USH2A: variants seen among roughly 807,000 people sequenced by gnomAD.
The protein encoded by USH2A is Usher syndrome 2A (autosomal recessive, mild).
USH2A carries 443 observed loss-of-function variants against 538.9 expected under a neutral mutation model. The ratio of observed to expected loss-of-function variants is 0.82; its 90% CI spans 0.76 to 0.89. The LOEUF (loss-of-function observed/expected upper bound fraction) is 0.89. USH2A is among the 40% of genes least tolerant of loss of function. The pLI is 0.00. For synonymous variants in USH2A, 2,413 were observed against 2,273.5 expected (o/e 1.06, Z -1.75); for missense variants, 6,633 against 6,324.8 (o/e 1.05, Z -1.65).
chr1:215,928,323 G>A (rs1400033093), intron 38 of USH2A, among the ~76,000 whole-genome samples: 1 of 151,992 alleles, frequency 6.6e-6, no homozygotes, highest in Non-Finnish European at 1.5e-5. Flanking sequence ...AAAATTAATT[G>A]TCATGTAAGG....
intron 38 of USH2A, among the ~76,000 whole-genome samples, chr1:215,922,432 C>T (rs979118115): frequency 6.6e-5 from 10 of 152,042 alleles, no homozygotes; most frequent in African/African-American, 1.2e-4. Flanking sequence ...TCTGGCCCTA[C>T]GAATGTGACT....
At chr1:215,778,565 C>T (rs74141412) in intron 55 of USH2A, among the ~76,000 whole-genome samples, 1,562 of 152,158 alleles carry the variant, frequency 0.01, 25 homozygotes, top group African/African-American at 0.036. Flanking sequence ...GTAAGTGTAA[C>T]CTGTGTCCCT....
chr1:215,770,413 C>T (rs540720011), intron 55 of USH2A, among the ~76,000 whole-genome samples: 21 of 147,442 alleles, frequency 1.4e-4, no homozygotes, highest in African/African-American at 4.2e-4. Flanking sequence ...TTGCTCAAAA[C>T]GAAAAAAAAA....
chr1:215,983,593 A>C (rs774827745), intron 35 of USH2A, among the ~76,000 whole-genome samples: 1 of 152,072 alleles, frequency 6.6e-6, no homozygotes, highest in Admixed American at 6.6e-5. Flanking sequence ...GTCATTTTAA[A>C]TTTATCTTCA....
chr1:215,836,538 A>T lies in USH2A; in HGVS notation c.9371+1453T>A. 1.6e-4 allele frequency among the ~76,000 whole-genome samples: 4 copies of T among 25,370 alleles called. 1 individual carries two copies. The highest frequency in any genetic ancestry group is 2.7e-4 in the Non-Finnish European group (4 of 15,056). The allele number at this position is 25,370 out of a possible 152,430, so 16.6% of individuals were successfully genotyped here. On this transcript the variant is annotated intron_variant, in intron 47 of 71. Transcript: ENST00000307340. The stretch of plus-strand genomic sequence containing the variant: ...TATATAATATATATTATATATATAT[A>T]TATAATATATATATATATATATATA...
chr1:216,107,054 G>GTACATACTTTCAAATA (rs2032752449), intron 21 of USH2A, among the ~76,000 whole-genome samples: 1 of 151,712 alleles, frequency 6.6e-6, no homozygotes, highest in African/African-American at 2.4e-5. Flanking sequence ...TGTTTGTAGT[G>GTACATACTTTCAAATA]TACATACTTT....
intron 37 of USH2A, among the ~76,000 whole-genome samples, chr1:215,938,607 G>C (rs1275773050): frequency 1.3e-5 from 2 of 152,104 alleles, no homozygotes; most frequent in African/African-American, 4.8e-5. Flanking sequence ...ATTCCTGTCT[G>C]GTTGGCCCTC....
intron 61 of USH2A, among the ~76,000 whole-genome samples, chr1:215,692,227 G>GAA (rs1434234169): frequency 2.0e-5 from 3 of 152,068 alleles, no homozygotes; most frequent in African/African-American, 7.2e-5. Context: ...TGGGTGGAAG[G>GAA]GAGAACAGAT....
At chr1:216,254,229 T>G (rs2036217643) in intron 11 of USH2A, among the ~76,000 whole-genome samples, 1 of 152,194 alleles carries the variant, frequency 6.6e-6, no homozygotes, top group African/African-American at 2.4e-5. Context: ...TAAAGCATTA[T>G]TATTTTTAAA....
At chr1:216,105,851 T>G (rs188338254) in intron 21 of USH2A, among the ~76,000 whole-genome samples, 9 of 152,040 alleles carry the variant, frequency 5.9e-5, no homozygotes, top group Admixed American at 5.9e-4. Context: ...AAGTGCTATG[T>G]TTTGAATATT....
intron 15 of USH2A, among the ~76,000 whole-genome samples, chr1:216,210,817 C>A (rs952659563): frequency 6.6e-5 from 10 of 151,964 alleles, no homozygotes; most frequent in African/African-American, 2.4e-4. Flanking sequence ...CCCGTCTCTA[C>A]TAAAAATACA....
chr1:215,702,551 T>C (rs532888159), intron 61 of USH2A, among the ~76,000 whole-genome samples: 1 of 151,650 alleles, frequency 6.6e-6, no homozygotes, highest in Non-Finnish European at 1.5e-5. Flanking sequence ...CTTCTTGCAC[T>C]GGTCCATTAA....
intron 11 of USH2A, among the ~76,000 whole-genome samples, chr1:216,273,367 C>T (rs12045821): frequency 0.018 from 2,690 of 152,046 alleles, 74 homozygotes; most frequent in African/African-American, 0.056. Context: ...CACACTTCCA[C>T]GGCAAGGCCC....
intron 9 of USH2A, among the ~76,000 whole-genome samples, chr1:216,298,021 A>T (rs181722012): frequency 6.6e-6 from 1 of 152,330 alleles, no homozygotes; most frequent in Non-Finnish European, 1.5e-5. Flanking sequence ...ATATTTTAAA[A>T]ACCCTATTCC....
At chr1:216,382,988 C>G (rs1368033747) in intron 3 of USH2A, among the ~76,000 whole-genome samples, 1 of 152,062 alleles carries the variant, frequency 6.6e-6, no homozygotes, top group African/African-American at 2.4e-5. Flanking sequence ...GAATATTCAG[C>G]TAAGAAAAGC....
At chr1:215,703,824 T>C (rs1255140486) in intron 61 of USH2A, among the ~76,000 whole-genome samples, 1 of 151,552 alleles carries the variant, frequency 6.6e-6, no homozygotes, top group Non-Finnish European at 1.5e-5. Context: ...GAGTGGACAG[T>C]TCTGTCTTGC....
intron 21 of USH2A, chr1:216,174,036 TGAGA>T: frequency 1.0e-6 from 1 of 985,234 alleles, no homozygotes; most frequent in Non-Finnish European, 1.2e-6. Context: ...TTTGATGTAC[TGAGA>T]GAGTAGTTAA....
intron 18 of USH2A, 64 bp from the exon 19 acceptor site, chr1:216,196,786 T>C (rs1176378395): frequency 1.3e-6 from 2 of 1,544,106 alleles, no homozygotes; most frequent in East Asian, 2.4e-5. Flanking sequence ...TATTTTTAAA[T>C]TTAATTCACA....
chr1:216,377,819 GAA>G (rs1307134072), intron 3 of USH2A, among the ~76,000 whole-genome samples: 5 of 17,678 alleles, frequency 2.8e-4, no homozygotes, highest in African/African-American at 8.5e-4. Context: ...AAGAAAGAAA[GAA>G]AGAAAGAAAG....
Sources: gnomAD v4.1 joint callset for allele counts (sites outside exome capture counted in the v4.1 genomes callset) on GRCh38, gnomAD v4.1.1 for gene constraint, MANE v1.5 for transcripts, NCBI Gene and HGNC (gene_info 2026-07-23, HGNC 2026-07-21) for gene names.